Variants in RGS7 observed in about 807,000 individuals in gnomAD.
The protein encoded by RGS7 is regulator of G-protein signaling 7.
RGS7 carries 27 observed loss-of-function variants against 81.1 expected under a neutral mutation model. The observed-to-expected ratio is 0.33, with a 90% CI of 0.25 to 0.46. The LOEUF is 0.46. Among genes scored for constraint, RGS7 ranks in the 20% least tolerant of loss-of-function variants. RGS7 has a pLI of 1.00. For missense variants in RGS7, 396 were observed against 607.4 expected (o/e 0.65, Z 3.66); for synonymous variants, 208 against 207.7 (o/e 1.00, Z -0.01).
intron 6 of RGS7, chr1:240,920,547 T>G (rs180799783): frequency 2.3e-6 from 2 of 858,056 alleles, no homozygotes; most frequent in Non-Finnish European, 3.9e-6. Flanking sequence ...TGTCAAACCA[T>G]GAAACTAAGG....
intron 9 of RGS7, among the ~76,000 whole-genome samples, chr1:240,837,773 C>T (rs559144005): frequency 2.6e-5 from 4 of 152,274 alleles, no homozygotes; most frequent in African/African-American, 9.6e-5. Flanking sequence ...TTACACAGTG[C>T]TATTGTTAGT....
chr1:241,073,085 C>T (rs1370714685), intron 3 of RGS7, among the ~76,000 whole-genome samples: 1 of 152,178 alleles, frequency 6.6e-6, no homozygotes, highest in African/African-American at 2.4e-5. Context: ...TCATTAATCA[C>T]AGGTATCTCC....
chr1:241,303,776 T>A (rs2079915357), intron 2 of RGS7, among the ~76,000 whole-genome samples: 1 of 152,232 alleles, frequency 6.6e-6, no homozygotes, highest in African/African-American at 2.4e-5. Context: ...TTCTTCACAG[T>A]CTGCAATTGC....
chr1:241,191,973 G>A (rs1267466972), intron 2 of RGS7, among the ~76,000 whole-genome samples: 2 of 152,204 alleles, frequency 1.3e-5, no homozygotes, highest in Non-Finnish European at 2.9e-5. Context: ...CCAGGTGAGG[G>A]TGTTTGGTCT....
intron 18 of RGS7, among the ~76,000 whole-genome samples, chr1:240,788,486 A>T (rs1371718665): frequency 6.6e-6 from 1 of 152,216 alleles, no homozygotes; most frequent in Non-Finnish European, 1.5e-5. Flanking sequence ...AATCAGCAGC[A>T]TCAGCATCAC....
chr1:240,873,481 CT>C (rs935891377), intron 6 of RGS7, among the ~76,000 whole-genome samples: 1 of 152,202 alleles, frequency 6.6e-6, no homozygotes, highest in Non-Finnish European at 1.5e-5. Flanking sequence ...GCCTGAAGTG[CT>C]ACTCTGGCTA....
intron 2 of RGS7, among the ~76,000 whole-genome samples, chr1:241,259,009 G>A (rs1176532809): frequency 6.6e-6 from 1 of 152,120 alleles, no homozygotes; most frequent in Non-Finnish European, 1.5e-5. Context: ...AAATTGTAGA[G>A]AGATACAGGT....
At chr1:241,002,248 A>T (rs952425376) in intron 3 of RGS7, among the ~76,000 whole-genome samples, 3 of 151,932 alleles carry the variant, frequency 2.0e-5, no homozygotes, top group South Asian at 2.1e-4. Context: ...GGAGTTTCAG[A>T]CCAGCCTGAC....
In RGS7 at chr1:240,896,857, C is replaced by T. The variant is rs1669179809; in HGVS notation, c.386-26738G>A. Among the ~76,000 whole-genome samples the T allele has an allele frequency of 2.0e-5, 3 of 152,168 alleles. No homozygotes were observed. In the South Asian group the frequency reaches 6.2e-4, roughly 32 times the overall value. ...CAGCTTGATGGGGATAGCATTGCAT[C>T]TATAAATTACCTTGGGCACTATGGC... On this transcript the variant is annotated intron_variant, in intron 6 of 18. Coordinates refer to ENST00000440928, the MANE Select transcript of RGS7 (RefSeq NM_001364886.1).
At chr1:240,966,097 T>C (rs1682254044) in intron 4 of RGS7, among the ~76,000 whole-genome samples, 2 of 152,128 alleles carry the variant, frequency 1.3e-5, no homozygotes, top group South Asian at 4.1e-4. Flanking sequence ...CTTTGTCTTA[T>C]CTCTTACTTT....
At chr1:241,257,162 T>A (rs547920501) in intron 2 of RGS7, among the ~76,000 whole-genome samples, 20 of 152,102 alleles carry the variant, frequency 1.3e-4, no homozygotes, top group Non-Finnish European at 2.6e-4. Context: ...GGAACTTATT[T>A]CTCATAGTCC....
intron 2 of RGS7, among the ~76,000 whole-genome samples, chr1:241,330,744 A>C (rs1182859001): frequency 1.3e-5 from 2 of 152,196 alleles, no homozygotes; most frequent in Non-Finnish European, 2.9e-5. Flanking sequence ...CAGCAAAATA[A>C]AACGCTGTTT....
At chr1:241,335,350 T>C (rs1466325131) in intron 2 of RGS7, among the ~76,000 whole-genome samples, 2 of 152,178 alleles carry the variant, frequency 1.3e-5, no homozygotes, top group East Asian at 1.9e-4. Context: ...TTCTATGTAC[T>C]TTCCACTCTG....
intron 2 of RGS7, among the ~76,000 whole-genome samples, chr1:241,294,682 A>G (rs2079292132): frequency 6.6e-6 from 1 of 152,240 alleles, no homozygotes; most frequent in East Asian, 1.9e-4. Context: ...CAAGTGCCCT[A>G]TATGGGTGTA....
intron 9 of RGS7, among the ~76,000 whole-genome samples, chr1:240,830,790 G>C (rs78935705): frequency 0.01 from 1,570 of 152,240 alleles, 42 homozygotes; most frequent in African/African-American, 0.036. Flanking sequence ...CTTCATACCA[G>C]GGGTCATAAT....
chr1:241,336,109 T>G (rs2082233247), intron 2 of RGS7, among the ~76,000 whole-genome samples: 1 of 152,162 alleles, frequency 6.6e-6, no homozygotes, highest in African/African-American at 2.4e-5. Context: ...CCAGACCACT[T>G]TTTCTACATA....
At chr1:240,920,625 G>A in intron 6 of RGS7, 1 of 1,113,568 alleles carries the variant, frequency 9.0e-7, no homozygotes, top group Non-Finnish European at 1.3e-6. Flanking sequence ...AGGAAACAAA[G>A]CTTAGCGGAA....
chr1:241,305,911 G>A (rs894656807), intron 2 of RGS7: 6 of 179,592 alleles, frequency 3.3e-5, no homozygotes, highest in Non-Finnish European at 5.9e-5. Context: ...TCCGAGGGCC[G>A]CCGCAGAGGA....
At chr1:241,260,427 A>G (rs2148278058) in intron 2 of RGS7, among the ~76,000 whole-genome samples, 1 of 152,310 alleles carries the variant, frequency 6.6e-6, no homozygotes, top group South Asian at 2.1e-4. Context: ...CTATTACATG[A>G]AAAAGCCATA....
Sources: gnomAD v4.1 joint callset for allele counts (sites outside exome capture counted in the v4.1 genomes callset) on GRCh38, gnomAD v4.1.1 for gene constraint, MANE v1.5 for transcripts, NCBI Gene and HGNC (gene_info 2026-07-23, HGNC 2026-07-21) for gene names.